The following FCHSD2 variants were observed in gnomAD, a reference collection of about 807,000 sequenced individuals.
The protein encoded by FCHSD2 is F-BAR and double SH3 domains protein 2.
Under a neutral mutation model 108.1 loss-of-function variants are expected in FCHSD2, and 38 were observed. The observed-to-expected ratio is 0.35, with a 90% CI of 0.27 to 0.46. The LOEUF (loss-of-function observed/expected upper bound fraction) is 0.46. FCHSD2 is among the 20% of genes least tolerant of loss of function. The probability of loss-of-function intolerance (pLI) is 1.00; values close to 1 mark genes in which losing one functional copy is unlikely to be tolerated. For missense variants in FCHSD2, 751 were observed against 897.8 expected, an observed-to-expected ratio of 0.84 and a Z score of 2.09; for synonymous variants, 279 against 314.7, an observed-to-expected ratio of 0.89 and a Z score of 1.20.
At chr11:72,935,755 G>C (rs867783054) in intron 8 of FCHSD2, among the ~76,000 whole-genome samples, 2 of 152,226 alleles carry the variant, frequency 1.3e-5, no homozygotes, top group Middle Eastern at 3.4e-3. Flanking sequence ...TTATGTGGTT[G>C]TTTTATTTAA....
intron 12 of FCHSD2, among the ~76,000 whole-genome samples, chr11:72,872,228 T>C (rs1854875211): frequency 6.6e-6 from 1 of 151,918 alleles, no homozygotes; most frequent in African/African-American, 2.4e-5. Context: ...GGTAAAACTT[T>C]ATTGACATAT....
intron 10 of FCHSD2, among the ~76,000 whole-genome samples, chr11:72,890,255 G>T (rs1855286332): frequency 1.3e-5 from 2 of 152,154 alleles, no homozygotes; most frequent in African/African-American, 4.8e-5. Flanking sequence ...GCTAGCTAAG[G>T]TAAGCAAAGA....
At chr11:73,053,659 T>C (rs899186776) in intron 3 of FCHSD2, among the ~76,000 whole-genome samples, 1 of 152,224 alleles carries the variant, frequency 6.6e-6, no homozygotes, top group Non-Finnish European at 1.5e-5. Context: ...CATATTAAAA[T>C]TGTTAAATAT....
At chr11:73,034,211 A>G (rs1425231011) in intron 3 of FCHSD2, among the ~76,000 whole-genome samples, 6 of 152,162 alleles carry the variant, frequency 3.9e-5, no homozygotes, top group Admixed American at 2.0e-4. Context: ...CCCTACATGC[A>G]TTAGGTATTT....
At chr11:73,096,208 C>T (rs1263409624) in intron 2 of FCHSD2, among the ~76,000 whole-genome samples, 1 of 151,706 alleles carries the variant, frequency 6.6e-6, no homozygotes, top group African/African-American at 2.4e-5. Context: ...TAATATGTAA[C>T]CAAATATTTA....
intron 3 of FCHSD2, among the ~76,000 whole-genome samples, chr11:73,040,176 CTG>C (rs1253937413): frequency 6.6e-6 from 1 of 152,204 alleles, no homozygotes; most frequent in Non-Finnish European, 1.5e-5. Context: ...GTCTGCAGCT[CTG>C]TGTCAGCAGC....
rs576649525 is a variant in FCHSD2 at position 73,044,139 on chromosome 11, T to C, written c.166-28254A>G. ...TACCACTGATACATCCAAGGCCTGC[T>C]ACTATATGTCACCTTTGTATAAATC... On this transcript the variant is annotated intron_variant, in intron 3 of 19. Coordinates refer to ENST00000409418, the MANE Select transcript of FCHSD2 (RefSeq NM_014824.3). 4.0e-3 allele frequency among the ~76,000 whole-genome samples: 606 copies of C among 152,350 alleles called. 4 individuals carry two copies. The highest frequency in any genetic ancestry group is 6.5e-3 in the Admixed American group (100 of 15,290).
intron 3 of FCHSD2, among the ~76,000 whole-genome samples, chr11:73,022,643 A>G (rs1858136290): frequency 6.6e-6 from 1 of 152,218 alleles, no homozygotes; most frequent in South Asian, 2.1e-4. Flanking sequence ...GGGACTTCAT[A>G]TTGTTAAGGT....
chr11:72,851,514 G>A (rs1030647895), intron 13 of FCHSD2, among the ~76,000 whole-genome samples: 2 of 152,182 alleles, frequency 1.3e-5, no homozygotes, highest in African/African-American at 2.4e-5. Context: ...GCCGAGGTGG[G>A]CGGATCACAA....
intron 2 of FCHSD2, among the ~76,000 whole-genome samples, chr11:73,122,467 T>C (rs541509569): frequency 6.6e-6 from 1 of 152,314 alleles, no homozygotes; most frequent in East Asian, 1.9e-4. Flanking sequence ...GTAACACCAC[T>C]TAACCATCTT....
intron 8 of FCHSD2, among the ~76,000 whole-genome samples, chr11:72,950,521 G>A (rs1324197575): frequency 6.6e-6 from 1 of 151,940 alleles, no homozygotes; most frequent in African/African-American, 2.4e-5. Context: ...TGAGGTAGAG[G>A]TCCAACTTCA....
chr11:73,074,950 G>A (rs1022533385), intron 3 of FCHSD2, among the ~76,000 whole-genome samples: 1 of 152,064 alleles, frequency 6.6e-6, no homozygotes, highest in African/African-American at 2.4e-5. Context: ...GAGGGAGGCA[G>A]GGAAAGAAAG....
chr11:73,101,136 G>A (rs1249061065), intron 2 of FCHSD2, among the ~76,000 whole-genome samples: 1 of 152,070 alleles, frequency 6.6e-6, no homozygotes, highest in African/African-American at 2.4e-5. Context: ...TGAGATAATT[G>A]GGGTTTCAAA....
chr11:72,915,387 C>T (rs1379005619), intron 9 of FCHSD2, among the ~76,000 whole-genome samples: 4 of 152,088 alleles, frequency 2.6e-5, no homozygotes, highest in Non-Finnish European at 4.4e-5. Flanking sequence ...CCAGCAATCC[C>T]GTTACTGAGT....
intron 8 of FCHSD2, among the ~76,000 whole-genome samples, chr11:72,966,374 G>T (rs1337099672): frequency 6.6e-6 from 1 of 152,034 alleles, no homozygotes; most frequent in Non-Finnish European, 1.5e-5. Flanking sequence ...TGGCCAGGCT[G>T]GTCTTGAACT....
At chr11:73,020,259 T>C (rs768586605) in intron 3 of FCHSD2, among the ~76,000 whole-genome samples, 1 of 152,222 alleles carries the variant, frequency 6.6e-6, no homozygotes, top group Non-Finnish European at 1.5e-5. Context: ...GGAAATGGAC[T>C]GATGGCTTAA....
At position 73,080,296 on chromosome 11, in the gene FCHSD2, CAAAAAAAAAAAA is replaced by C. The variant is rs370633105; in HGVS notation, c.165+3387_165+3398del. Among the ~76,000 whole-genome samples, 4 of 52,300 alleles carry C rather than the reference CAAAAAAAAAAAA, an allele frequency of 7.6e-5. No homozygotes were observed. The South Asian group carries it at 2.2e-3, about 29-fold the overall frequency. 34.3% of individuals were successfully genotyped at this position (52,300 alleles called of 152,430 possible). A position where few individuals can be genotyped will look rare whatever the true frequency, so the allele number is the denominator to read the frequency against. ...TGGGTGATAGAGCAAGACCCTGTCT[CAAAAAAAAAAAA>C]AAAAAAAAAAAGAAAGAAAGAAAAG... is the stretch of plus-strand genomic sequence containing the variant. On this transcript the variant is annotated intron_variant, in intron 3 of 19. Coordinates refer to ENST00000409418, the MANE Select transcript of FCHSD2 (RefSeq NM_014824.3).
intron 3 of FCHSD2, among the ~76,000 whole-genome samples, chr11:73,073,891 T>C (rs2135503007): frequency 1.3e-5 from 2 of 152,242 alleles, no homozygotes; most frequent in Middle Eastern, 6.8e-3. Flanking sequence ...CTTGTTAAGA[T>C]ATCAGTTCCC....
intron 3 of FCHSD2, among the ~76,000 whole-genome samples, chr11:73,027,216 T>A (rs967505825): frequency 4.9e-4 from 75 of 152,230 alleles, no homozygotes; most frequent in Non-Finnish European, 1.1e-3. Flanking sequence ...CCAAAACCAT[T>A]GATCACTGAT....
Sources: gnomAD v4.1 joint callset for allele counts (sites outside exome capture counted in the v4.1 genomes callset) on GRCh38, gnomAD v4.1.1 for gene constraint, MANE v1.5 for transcripts, NCBI Gene and HGNC (gene_info 2026-07-23, HGNC 2026-07-21) for gene names.